CHST11: variants seen among roughly 807,000 people sequenced by gnomAD.
The protein encoded by CHST11 is carbohydrate sulfotransferase 11, also known as C4S-1.
CHST11 carries 9 observed loss-of-function variants against 30.4 expected under a neutral mutation model. That is an observed-to-expected ratio of 0.30 (90% CI 0.18 to 0.52). CHST11 has a LOEUF of 0.52. Among genes scored for constraint, CHST11 ranks in the 20% least tolerant of loss-of-function variants. The pLI is 0.97. For missense variants in CHST11, 348 were observed against 460.6 expected (o/e 0.76, Z 2.24); for synonymous variants, 152 against 187.8 (o/e 0.81, Z 1.56).
intron 2 of CHST11, among the ~76,000 whole-genome samples, chr12:104,633,338 T>C (rs1205731958): frequency 6.6e-6 from 1 of 152,094 alleles, no homozygotes; most frequent in African/African-American, 2.4e-5. Context: ...GATCAAATGA[T>C]TTTAAATTAT....
At chr12:104,699,610 TG>T (rs2039975607) in intron 2 of CHST11, among the ~76,000 whole-genome samples, 1 of 152,230 alleles carries the variant, frequency 6.6e-6, no homozygotes, top group African/African-American at 2.4e-5. Context: ...GTTCATTGAA[TG>T]TCTTTTGAGT....
At chr12:104,513,928 T>C in intron 1 of CHST11, 1 of 514,020 alleles carries the variant, frequency 1.9e-6, no homozygotes, top group Non-Finnish European at 3.5e-6. Context: ...TATAAAGGAA[T>C]ACCTGAGGCT....
chr12:104,711,925 C>G (rs1199988518), intron 2 of CHST11, among the ~76,000 whole-genome samples: 1 of 152,012 alleles, frequency 6.6e-6, no homozygotes, highest in Non-Finnish European at 1.5e-5. Context: ...CTGCCTCTGA[C>G]CACAGTTTAG....
rs117240762 is a variant in CHST11 at position 104,604,396 on chromosome 12, C to G, written c.204+2405C>G. On this transcript the variant is annotated intron_variant, in intron 2 of 2. Transcript: ENST00000303694. ...AAATGTAGCTGCAGGAAAATCACCT[C>G]GTTTCCTCGGGATGTTTTTTCTTAG... Among the ~76,000 whole-genome samples the G allele has an allele frequency of 2.8e-4, 42 of 152,306 alleles. 1 individual carries two copies. In the East Asian group the frequency reaches 7.5e-3, roughly 27 times the overall value.
At chr12:104,513,740 C>T (rs905056399) in intron 1 of CHST11, among the ~76,000 whole-genome samples, 3 of 152,174 alleles carry the variant, frequency 2.0e-5, no homozygotes, top group African/African-American at 7.2e-5. Flanking sequence ...ATGCTCGATT[C>T]ACTGGAATAC....
At chr12:104,593,479 C>T (rs920525573) in intron 1 of CHST11, among the ~76,000 whole-genome samples, 1 of 152,206 alleles carries the variant, frequency 6.6e-6, no homozygotes, top group African/African-American at 2.4e-5. Context: ...TTCGAGGCTC[C>T]TGAAAAGTCA....
chr12:104,489,361 A>C (rs1002107119), intron 1 of CHST11, among the ~76,000 whole-genome samples: 1 of 152,088 alleles, frequency 6.6e-6, no homozygotes, highest in African/African-American at 2.4e-5. Context: ...CAAGGACACC[A>C]GTCAGATTGG....
At chr12:104,657,639 T>C (rs1217777832) in intron 2 of CHST11, among the ~76,000 whole-genome samples, 1 of 152,208 alleles carries the variant, frequency 6.6e-6, no homozygotes, top group East Asian at 1.9e-4. Context: ...GCAGTAGTTG[T>C]TTCAGATTGC....
chr12:104,714,210 A>G (rs2040110918), intron 2 of CHST11, among the ~76,000 whole-genome samples: 1 of 152,186 alleles, frequency 6.6e-6, no homozygotes, highest in African/African-American at 2.4e-5. Context: ...CCTGTAAACA[A>G]ACTTGTTCAA....
chr12:104,513,139 T>TGGGGGGGGGGGGGGGGGGGGGGGG (rs1565969846), intron 1 of CHST11, among the ~76,000 whole-genome samples: 4 of 2,928 alleles, frequency 1.4e-3, no homozygotes, highest in African/African-American at 1.5e-3. Context: ...GGGGGGGGGT[T>TGGGGGGGGGGGGGGGGGGGGGGGG]GGGGGTGGGG....
intron 2 of CHST11, among the ~76,000 whole-genome samples, chr12:104,753,863 A>G (rs1194328994): frequency 6.6e-6 from 1 of 152,210 alleles, no homozygotes; most frequent in African/African-American, 2.4e-5. Flanking sequence ...CGGAGTACAC[A>G]CCTTATAGTC....
chr12:104,704,526 T>C (rs2040016539), intron 2 of CHST11, among the ~76,000 whole-genome samples: 1 of 152,118 alleles, frequency 6.6e-6, no homozygotes, highest in African/African-American at 2.4e-5. Flanking sequence ...CCCAGCTGCC[T>C]TGACCGTCAC....
intron 2 of CHST11, among the ~76,000 whole-genome samples, chr12:104,649,589 C>T (rs142889035): frequency 5.9e-5 from 9 of 152,232 alleles, no homozygotes; most frequent in South Asian, 4.1e-4. Context: ...GGGGAGTAGG[C>T]GAACCAATGT....
At chr12:104,673,974 C>T (rs944981433) in intron 2 of CHST11, among the ~76,000 whole-genome samples, 5 of 152,178 alleles carry the variant, frequency 3.3e-5, no homozygotes, top group Non-Finnish European at 5.9e-5. Context: ...TATGGCTGCT[C>T]GGTTTTCCTC....
chr12:104,678,278 C>T lies in CHST11; in HGVS notation c.204+76287C>T, dbSNP rs2039762036. ...AAAGGTATATCCTTCCCCAACATTTCCATTCACTGAAAGAAAACACCTTAT... is the reference window on the plus strand; with the variant it reads ...AAAGGTATATCCTTCCCCAACATTTTCATTCACTGAAAGAAAACACCTTAT... On this transcript the variant is annotated intron_variant, in intron 2 of 2. Transcript: ENST00000303694. Among the ~76,000 whole-genome samples the T allele has an allele frequency of 2.6e-5, 4 of 152,346 alleles. No homozygotes were observed. The South Asian group carries it at 8.3e-4, about 32-fold the overall frequency.
intron 2 of CHST11, among the ~76,000 whole-genome samples, chr12:104,672,132 C>T (rs900435206): frequency 2.0e-5 from 3 of 152,220 alleles, no homozygotes; most frequent in African/African-American, 7.2e-5. Context: ...TTCTCCATCC[C>T]TGACAATGAA....
chr12:104,646,064 C>T (rs1174663148), intron 2 of CHST11, among the ~76,000 whole-genome samples: 1 of 152,238 alleles, frequency 6.6e-6, no homozygotes, highest in Non-Finnish European at 1.5e-5. Flanking sequence ...GCCGGCTCAG[C>T]CAGTGCCTCC....
chr12:104,745,420 G>A (rs756433030), intron 2 of CHST11, among the ~76,000 whole-genome samples: 3 of 152,204 alleles, frequency 2.0e-5, no homozygotes, highest in Admixed American at 1.3e-4. Context: ...TGGCTATTCG[G>A]GCTCTTTTTT....
intron 1 of CHST11, among the ~76,000 whole-genome samples, chr12:104,513,125 G>GGGC (rs1555229093): frequency 0.043 from 2,714 of 63,534 alleles, 466 homozygotes; most frequent in South Asian, 0.068. Flanking sequence ...GTCATGACTG[G>GGGC]GGGGGGGGGG....
Sources: allele counts gnomAD v4.1 joint callset (sites outside exome capture counted in the v4.1 genomes callset), GRCh38; gene constraint gnomAD v4.1.1; transcripts MANE v1.5; gene names NCBI Gene and HGNC (gene_info 2026-07-23, HGNC 2026-07-21).